ZBTB38: variants seen among roughly 807,000 people sequenced by gnomAD.
ZBTB38 encodes zinc finger and BTB domain-containing protein 38.
A neutral mutation model predicts 76.8 loss-of-function variants in ZBTB38; 20 were observed. The ratio of observed to expected loss-of-function variants is 0.26; its 90% CI spans 0.18 to 0.38. ZBTB38 has a LOEUF of 0.38. ZBTB38 is among the 10% of genes least tolerant of loss of function. The probability of loss-of-function intolerance (pLI) is 1.00; values close to 1 mark genes in which losing one functional copy is unlikely to be tolerated. For missense variants in ZBTB38, 1,082 were observed against 1,482.3 expected (o/e 0.73, Z 4.43); for synonymous variants, 504 against 544.2 (o/e 0.93, Z 1.03).
chr3:141,385,758 C>T (rs768392792), intron 3 of ZBTB38, among the ~76,000 whole-genome samples: 3 of 151,954 alleles, frequency 2.0e-5, no homozygotes, highest in African/African-American at 7.3e-5. Context: ...ATTAATTCCT[C>T]ACCATTACAT....
intron 2 of ZBTB38, among the ~76,000 whole-genome samples, chr3:141,378,819 C>T (rs188821609): frequency 1.0e-3 from 158 of 152,290 alleles, no homozygotes; most frequent in Non-Finnish European, 1.4e-3. Flanking sequence ...CCCATTTACC[C>T]CTCCCTGAGA....
In ZBTB38 at chr3:141,411,121, A is replaced by G. The variant is rs552069963; in HGVS notation, c.-1+7090A>G. Among the ~76,000 whole-genome samples, 4 of 152,314 alleles carry G rather than the reference A, an allele frequency of 2.6e-5. No homozygotes were observed. In the South Asian group the frequency reaches 8.3e-4, roughly 32 times the overall value. On this transcript the variant is annotated intron_variant, in intron 5 of 5. Coordinates refer to ENST00000321464, the MANE Select transcript of ZBTB38 (RefSeq NM_001376113.1). ...CTGACTGTTTGTAGAGTTGATGACA[A>G]TTAGATAATAAGACCACCAATTCAG...
At chr3:141,341,045 A>T (rs2148906826) in intron 1 of ZBTB38, among the ~76,000 whole-genome samples, 1 of 152,338 alleles carries the variant, frequency 6.6e-6, no homozygotes, top group African/African-American at 2.4e-5. Flanking sequence ...TAATAAGCGC[A>T]TGAAAAGATG....
chr3:141,342,949 C>T lies in ZBTB38; in HGVS notation c.-739+18493C>T, dbSNP rs533686890. On this transcript the variant is annotated intron_variant, in intron 1 of 7. Coordinates refer to the ZBTB38 transcript ENST00000509842. ...TGATGTGAAGAAAACTGAATGAGCA[C>T]GAACAAACCTGCAATGTCAATATAT... Among the ~76,000 whole-genome samples the T allele has an allele frequency of 5.3e-5, 8 of 151,984 alleles. No individual in the cohort carries two copies. In the South Asian group the frequency reaches 1.5e-3, roughly 28 times the overall value.
rs1458055614 is a variant in ZBTB38, at chr3:141,443,098, T to G, written c.710T>G (p.Val237Gly). 8 of 1,614,110 alleles carry G rather than the reference T, an allele frequency of 5.0e-6. No individual in the cohort carries two copies. Among genetic ancestry groups the G allele is most frequent in the Non-Finnish European group, 6.8e-6 (8 of 1,180,058 alleles). The change falls in exon 6 of 6, where the codon GTA becomes GGA. Residue 237 changes from valine to glycine, a missense_variant. Val to Gly is a moderately radical substitution (Grantham distance 109). Transcript: ENST00000321464. The surrounding 1 kb of genome is among the most constrained non-coding windows in gnomAD (Gnocchi z 5.6). ...GCTGAAGCTTACAGAAGTCAGCCTG[T>G]ACGTGAACATGATGGCAGTTCACCT... ...SVAEAYRSQP[V>G]REHDGSSPGN...
chr3:141,407,434 C>T (rs144824114), intron 5 of ZBTB38, among the ~76,000 whole-genome samples: 4 of 152,246 alleles, frequency 2.6e-5, no homozygotes, highest in Non-Finnish European at 5.9e-5. Flanking sequence ...TTCTATATAC[C>T]ATAGTAGGTA....
chr3:141,382,914 C>T (rs1327412124), intron 3 of ZBTB38, among the ~76,000 whole-genome samples: 1 of 152,144 alleles, frequency 6.6e-6, no homozygotes, highest in African/African-American at 2.4e-5. Flanking sequence ...AAGTTTTATC[C>T]TCTTAGGACT....
chr3:141,386,269 A>T (rs1434038783), intron 3 of ZBTB38, among the ~76,000 whole-genome samples: 1 of 152,240 alleles, frequency 6.6e-6, no homozygotes, highest in East Asian at 1.9e-4. Flanking sequence ...AGCCAGAGGA[A>T]TTCAGCATCA....
chr3:141,344,576 G>A (rs1943288185), intron 1 of ZBTB38, among the ~76,000 whole-genome samples: 1 of 152,124 alleles, frequency 6.6e-6, no homozygotes, highest in African/African-American at 2.4e-5. Flanking sequence ...GTCTCACTGT[G>A]TTTCCCAGGC....
intron 5 of ZBTB38, among the ~76,000 whole-genome samples, chr3:141,438,913 A>G (rs2079454246): frequency 6.8e-6 from 1 of 147,568 alleles, no homozygotes; most frequent in Non-Finnish European, 1.5e-5. Context: ...TCCTGCTACC[A>G]CTCAGACTCC....
intron 1 of ZBTB38, among the ~76,000 whole-genome samples, chr3:141,345,638 T>G (rs1430555883): frequency 1.3e-5 from 2 of 152,156 alleles, no homozygotes; most frequent in Non-Finnish European, 2.9e-5. Flanking sequence ...GGGTTCCATC[T>G]CTTAGCTTCC....
intron 5 of ZBTB38, among the ~76,000 whole-genome samples, chr3:141,422,671 C>T (rs530391709): frequency 3.9e-5 from 6 of 152,170 alleles, no homozygotes; most frequent in South Asian, 2.1e-4. Context: ...GTAGAAGCTC[C>T]CCTCTGGTTG....
chr3:141,345,982 G>A lies in ZBTB38; in HGVS notation c.-739+21526G>A, dbSNP rs530205988. 4.4e-4 allele frequency among the ~76,000 whole-genome samples: 67 copies of A among 152,224 alleles called. 1 individual carries two copies. The highest frequency in any genetic ancestry group is 1.3e-3 in the African/African-American group (52 of 41,510). On this transcript the variant is annotated intron_variant, in intron 1 of 7. Coordinates refer to the ZBTB38 transcript ENST00000509842. ...CAATGTCTGTTCCCGGCAGGGCTTC[G>A]GGGGCAGTTTCTGGCTTACAGAGGC...
intron 3 of ZBTB38, chr3:141,385,979 A>AT (rs973802912): frequency 2.9e-4 from 44 of 152,348 alleles, no homozygotes; most frequent in African/African-American, 9.4e-4. Context: ...CAATGTCATC[A>AT]TGCAAGCATA....
intron 4 of ZBTB38, among the ~76,000 whole-genome samples, chr3:141,400,814 T>C (rs980737475): frequency 6.6e-6 from 1 of 152,224 alleles, no homozygotes; most frequent in Non-Finnish European, 1.5e-5. Flanking sequence ...ATTTTATAGA[T>C]GAAGAAGGCA....
intron 1 of ZBTB38, among the ~76,000 whole-genome samples, chr3:141,331,883 G>T (rs930127505): frequency 2.4e-4 from 37 of 152,230 alleles, no homozygotes; most frequent in Non-Finnish European, 3.1e-4. Flanking sequence ...GTGAGTCAGG[G>T]CCCCTGGGAG....
chr3:141,345,268 C>CT (rs879866094), intron 1 of ZBTB38, among the ~76,000 whole-genome samples: 2,572 of 144,218 alleles, frequency 0.018, 59 homozygotes, highest in African/African-American at 0.05. Flanking sequence ...GATGGCAGAA[C>CT]TTTTTTTTTT....
At chr3:141,329,391 A>T (rs1372552522) in intron 1 of ZBTB38, among the ~76,000 whole-genome samples, 1 of 152,128 alleles carries the variant, frequency 6.6e-6, no homozygotes, top group East Asian at 1.9e-4. Context: ...TCCCAGCTTA[A>T]TTTTATTTCC....
At position 141,404,545 on chromosome 3, in the gene ZBTB38, C is replaced by T. The variant is rs151228217; in HGVS notation, c.-1+514C>T. ...TGCAGCTGTCGCAGACAAATATTGA[C>T]GGCCCAGCACACTAAGCTCTACCTT... On this transcript the variant is annotated intron_variant, in intron 5 of 5. Transcript: ENST00000321464. Among the ~76,000 whole-genome samples, 844 of 152,218 alleles carry T rather than the reference C, an allele frequency of 5.5e-3. 9 individuals carry two copies. The highest frequency in any genetic ancestry group is 0.019 in the African/African-American group (781 of 41,522).
Sources: allele counts gnomAD v4.1 joint callset (sites outside exome capture counted in the v4.1 genomes callset), GRCh38; gene constraint gnomAD v4.1.1; non-coding constraint Gnocchi (gnomAD v3.1); transcripts MANE v1.5; gene names NCBI Gene and HGNC (gene_info 2026-07-23, HGNC 2026-07-21).